The following SHANK2 variants were observed in gnomAD, a reference collection of about 807,000 sequenced individuals.
SHANK2 encodes the protein SH3 and multiple ankyrin repeat domains protein 2.
A neutral mutation model predicts 133.7 loss-of-function variants in SHANK2; 43 were observed. That is an observed-to-expected ratio of 0.32 (90% CI 0.25 to 0.41). SHANK2 has a LOEUF of 0.41. SHANK2 is among the 10% of genes least tolerant of loss of function. The pLI is 1.00. For missense variants in SHANK2, 1,994 were observed against 2,235.8 expected (o/e 0.89, Z 2.18); for synonymous variants, 1,017 against 952.8 (o/e 1.07, Z -1.24).
chr11:70,917,911 G>A (rs1374319358), intron 10 of SHANK2, among the ~76,000 whole-genome samples: 1 of 152,110 alleles, frequency 6.6e-6, no homozygotes, highest in Non-Finnish European at 1.5e-5. Flanking sequence ...TGGGCACTAG[G>A]TTTAATACCT....
At chr11:71,125,744 A>G (rs1952169967) in intron 3 of SHANK2, among the ~76,000 whole-genome samples, 1 of 152,212 alleles carries the variant, frequency 6.6e-6, no homozygotes. Context: ...TGTAGACAAG[A>G]CGGTCTTCTA....
intron 15 of SHANK2, among the ~76,000 whole-genome samples, chr11:70,696,071 G>A (rs1378941649): frequency 6.6e-6 from 1 of 152,174 alleles, no homozygotes; most frequent in Non-Finnish European, 1.5e-5. Flanking sequence ...ACCAAAACAG[G>A]GATGCAGAGT....
Position 70,899,336 on chromosome 11 carries a change from T to C in SHANK2, c.1108-2769A>G, listed in dbSNP as rs534140801. ...CCCTGCTGACACTCATTCTCTCTCCTGCCACCCTGTGAAGAGGTGCCTTAT... is the reference window on the plus strand; with the variant it reads ...CCCTGCTGACACTCATTCTCTCTCCCGCCACCCTGTGAAGAGGTGCCTTAT... On this transcript the variant is annotated intron_variant, in intron 10 of 25. Transcript: ENST00000601538. Among the ~76,000 whole-genome samples, 11 of 152,334 alleles carry C rather than the reference T, an allele frequency of 7.2e-5. No individual in the cohort carries two copies. The East Asian group carries it at 2.1e-3, about 29-fold the overall frequency.
chr11:70,850,239 G>T (rs1725710395), intron 11 of SHANK2, among the ~76,000 whole-genome samples: 1 of 152,158 alleles, frequency 6.6e-6, no homozygotes, highest in African/African-American at 2.4e-5. Flanking sequence ...TGACCAGATG[G>T]GATCAGAGAA....
intron 9 of SHANK2, among the ~76,000 whole-genome samples, chr11:71,073,909 G>A (rs938131772): frequency 2.6e-5 from 4 of 152,110 alleles, no homozygotes; most frequent in African/African-American, 2.4e-5. Context: ...ACCTGCTGAC[G>A]GGGTAGATGG....
chr11:70,701,316 T>A (rs1021307794), intron 14 of SHANK2, among the ~76,000 whole-genome samples: 1 of 152,192 alleles, frequency 6.6e-6, no homozygotes, highest in Non-Finnish European at 1.5e-5. Flanking sequence ...TAGACTAACA[T>A]AACATTCACC....
intron 15 of SHANK2, among the ~76,000 whole-genome samples, chr11:70,686,498 A>T (rs1781953158): frequency 6.6e-6 from 1 of 151,736 alleles, no homozygotes; most frequent in African/African-American, 2.4e-5. Context: ...CCAGCCATCC[A>T]TCATCTGTCT....
rs775375455 is a variant in SHANK2 at position 70,594,981 on chromosome 11, GGCCGGGA to G, written c.2061+64840_2061+64846del. ...ACAAATGATGAGAGAAGGGCTTCAG[GGCCGGGA>G]GCCGGGAGCCGGGTCTCTCTGAGCC... On this transcript the variant is annotated intron_variant, in intron 17 of 25. Coordinates refer to ENST00000601538, the MANE Select transcript of SHANK2 (RefSeq NM_012309.5). 4.5e-4 allele frequency among the ~76,000 whole-genome samples: 69 copies of G among 152,274 alleles called. 1 individual carries two copies. Among genetic ancestry groups the G allele is most frequent in the Non-Finnish European group, 7.8e-4 (53 of 68,008 alleles).
intron 3 of SHANK2, among the ~76,000 whole-genome samples, chr11:71,133,131 G>T (rs1952351281): frequency 7.2e-6 from 1 of 138,298 alleles, no homozygotes; most frequent in Admixed American, 7.3e-5. Context: ...ATAGATGGGT[G>T]AATGAGTGGA....
chr11:70,728,708 T>C (rs1485544236), intron 14 of SHANK2, among the ~76,000 whole-genome samples: 1 of 152,234 alleles, frequency 6.6e-6, no homozygotes, highest in Non-Finnish European at 1.5e-5. Flanking sequence ...TTTGAATTAC[T>C]GTGTTACCCC....
At position 70,623,968 on chromosome 11, in the gene SHANK2, G is replaced by A. The variant is rs373465362; in HGVS notation, c.2061+35860C>T. ...CCACTGGGGAGCTGGGGTATAGGAT[G>A]GGTCACAACTCAGGGCTAAGGGTGC... On this transcript the variant is annotated intron_variant, in intron 17 of 25. Coordinates refer to ENST00000601538, the MANE Select transcript of SHANK2 (RefSeq NM_012309.5). Among the ~76,000 whole-genome samples, 17 of 152,298 alleles carry A rather than the reference G, an allele frequency of 1.1e-4. No homozygotes were observed. In the East Asian group the frequency reaches 2.9e-3, roughly 26 times the overall value.
intron 2 of SHANK2, among the ~76,000 whole-genome samples, chr11:71,155,697 AGGT>A (rs1952895587): frequency 8.1e-6 from 1 of 123,166 alleles, no homozygotes; most frequent in Admixed American, 7.8e-5. Context: ...CTCCCCAGAG[AGGT>A]GGCCCGTCCC....
chr11:71,237,211 G>A (rs1954835757), intron 1 of SHANK2, among the ~76,000 whole-genome samples: 1 of 152,188 alleles, frequency 6.6e-6, no homozygotes, highest in African/African-American at 2.4e-5. Context: ...GTAGCCAGTG[G>A]GCAATAAGGA....
In SHANK2 at chr11:71,233,147, C is replaced by CA. The variant is rs59302792; in HGVS notation, c.-112-8352dup. Among the ~76,000 whole-genome samples, 295 of 147,240 alleles carry CA rather than the reference C, an allele frequency of 2.0e-3. 1 individual carries two copies. Among genetic ancestry groups the CA allele is most frequent in the South Asian group, 0.012 (56 of 4,644 alleles). On this transcript the variant is annotated intron_variant, in intron 1 of 25. Transcript: ENST00000601538. Reference sequence around the variant, plus strand: ...CAGGTACAGGAGACCCCATCTCTACCAAAAAAAAAAAGTGTATATGAATGT... The same window carrying CA: ...CAGGTACAGGAGACCCCATCTCTACCAAAAAAAAAAAAGTGTATATGAATGT...
intron 9 of SHANK2, among the ~76,000 whole-genome samples, chr11:71,073,142 C>CTTTT (rs1951165821): frequency 4.9e-5 from 2 of 41,088 alleles, no homozygotes; most frequent in Non-Finnish European, 9.0e-5. Context: ...TTTTCTTTTT[C>CTTTT]TTTTCTTTTT....
At chr11:70,475,600 C>A (rs2058652695) in intron 25 of SHANK2, among the ~76,000 whole-genome samples, 1 of 152,170 alleles carries the variant, frequency 6.6e-6, no homozygotes, top group African/African-American at 2.4e-5. Context: ...GTGGACTAGT[C>A]CATAGTGAGA....
intron 14 of SHANK2, among the ~76,000 whole-genome samples, chr11:70,718,153 A>G (rs1011775146): frequency 2.6e-5 from 4 of 152,206 alleles, no homozygotes; most frequent in Admixed American, 1.3e-4. Context: ...ATTAGCAGGG[A>G]GAGGCAGTGA....
At chr11:70,880,393 G>T (rs1195427458) in intron 11 of SHANK2, among the ~76,000 whole-genome samples, 2 of 152,190 alleles carry the variant, frequency 1.3e-5, no homozygotes, top group African/African-American at 4.8e-5. Flanking sequence ...ATGGAGGTGC[G>T]CTGAGAAAAG....
chr11:70,755,509 GGCACCC>G (rs1946848500), intron 14 of SHANK2, among the ~76,000 whole-genome samples: 1 of 152,240 alleles, frequency 6.6e-6, no homozygotes, highest in African/African-American at 2.4e-5. Flanking sequence ...GTGCCCTGTG[GGCACCC>G]GGGCAGAGCC....
Sources: gnomAD v4.1 joint callset for allele counts (sites outside exome capture counted in the v4.1 genomes callset) on GRCh38, gnomAD v4.1.1 for gene constraint, MANE v1.5 for transcripts, NCBI Gene and HGNC (gene_info 2026-07-23, HGNC 2026-07-21) for gene names.